The following SEMA5A variants were observed in gnomAD, a reference collection of about 807,000 sequenced individuals.
SEMA5A encodes semaphorin-5A.
SEMA5A carries 55 observed loss-of-function variants against 135.5 expected under a neutral mutation model. That is an observed-to-expected ratio of 0.41 (90% confidence interval 0.33 to 0.51). The LOEUF (loss-of-function observed/expected upper bound fraction) is 0.51, where lower values mean the gene tolerates loss of function less well. Among genes scored for constraint, SEMA5A ranks in the 20% least tolerant of loss-of-function variants. SEMA5A has a pLI of 0.37. For missense variants in SEMA5A, 1,290 were observed against 1,419.9 expected (o/e 0.91, Z 1.47); for synonymous variants, 580 against 546.5 (o/e 1.06, Z -0.85).
chr5:9,096,715 C>T (rs1187423739), intron 16 of SEMA5A, among the ~76,000 whole-genome samples: 1 of 151,852 alleles, frequency 6.6e-6, no homozygotes. Flanking sequence ...GGATTAATAT[C>T]CAAGGTATAT....
chr5:9,301,977 C>G (rs80187734), intron 5 of SEMA5A, among the ~76,000 whole-genome samples: 2 of 152,046 alleles, frequency 1.3e-5, no homozygotes, highest in East Asian at 3.9e-4. Context: ...AATCCATCGC[C>G]CCTTGCAGCT....
chr5:9,512,458 G>A (rs1282363971), intron 1 of SEMA5A, among the ~76,000 whole-genome samples: 1 of 152,188 alleles, frequency 6.6e-6, no homozygotes, highest in Non-Finnish European at 1.5e-5. Context: ...ATGTGGGTAG[G>A]AAGTGGTGAA....
intron 1 of SEMA5A, among the ~76,000 whole-genome samples, chr5:9,472,054 G>C (rs1297296167): frequency 6.6e-6 from 1 of 152,172 alleles, no homozygotes; most frequent in Non-Finnish European, 1.5e-5. Flanking sequence ...GTGCAGGTTT[G>C]TTACATATGT....
At chr5:9,455,540 G>A (rs548724951) in intron 1 of SEMA5A, among the ~76,000 whole-genome samples, 1 of 152,280 alleles carries the variant, frequency 6.6e-6, no homozygotes, top group African/African-American at 2.4e-5. Flanking sequence ...ACAGGCATGA[G>A]CCACCGCGCC....
intron 5 of SEMA5A, among the ~76,000 whole-genome samples, chr5:9,317,532 T>A (rs1394997586): frequency 3.3e-5 from 5 of 152,182 alleles, no homozygotes; most frequent in African/African-American, 9.7e-5. Context: ...GATTTAATAT[T>A]AAAACCTAGC....
chr5:9,405,043 T>C (rs1486634138), intron 2 of SEMA5A, among the ~76,000 whole-genome samples: 1 of 152,206 alleles, frequency 6.6e-6, no homozygotes, highest in Non-Finnish European at 1.5e-5. Flanking sequence ...AGTTACAGAA[T>C]GTTAAGCAAG....
At chr5:9,068,792 C>T (rs181028398) in intron 16 of SEMA5A, among the ~76,000 whole-genome samples, 70 of 152,288 alleles carry the variant, frequency 4.6e-4, no homozygotes, top group Non-Finnish European at 2.9e-4. Flanking sequence ...TCCCCAAGAT[C>T]CCTCCAGTTT....
At chr5:9,083,476 C>A (rs1561135456) in intron 16 of SEMA5A, among the ~76,000 whole-genome samples, 1 of 152,154 alleles carries the variant, frequency 6.6e-6, no homozygotes, top group Non-Finnish European at 1.5e-5. Context: ...ATAATTTAAA[C>A]ACGTACATGT....
intron 6 of SEMA5A, among the ~76,000 whole-genome samples, chr5:9,227,365 T>C (rs931794446): frequency 1.3e-5 from 2 of 152,142 alleles, no homozygotes; most frequent in Non-Finnish European, 2.9e-5. Context: ...GGAAAATAAA[T>C]AAAAGGAACC....
intron 5 of SEMA5A, among the ~76,000 whole-genome samples, chr5:9,303,186 G>A (rs985086470): frequency 7.3e-5 from 11 of 149,816 alleles, no homozygotes; most frequent in South Asian, 2.1e-4. Context: ...GCGCCATCTC[G>A]GCTTACTGCA....
chr5:9,171,103 C>T (rs916842692), intron 11 of SEMA5A, among the ~76,000 whole-genome samples: 1 of 152,170 alleles, frequency 6.6e-6, no homozygotes, highest in Non-Finnish European at 1.5e-5. Context: ...CAAAAAGATG[C>T]CTACACCTCC....
At position 9,226,931 on chromosome 5, in the gene SEMA5A, C is replaced by G; in HGVS notation, c.370G>C (p.Gly124Arg). 2 of 1,576,010 alleles carry G rather than the reference C, an allele frequency of 1.3e-6. No homozygotes were observed. The highest frequency in any genetic ancestry group is 2.3e-5 in the East Asian group (1 of 42,744). ...CCACAGGTGAATAACCGGTCGCCAC[C>G]CACCAGAAGCACCCGGATGTAGTTC... Reference protein sequence around the residue: ...CQNYIRVLLVGGDRLFTCGTN... With the variant: ...CQNYIRVLLVRGDRLFTCGTN... The change falls in exon 7 of 23, where the codon GGT becomes CGT. Residue 124 changes from glycine (G) to arginine (R), a missense_variant. By Grantham distance (125) the Gly-to-Arg change is moderately radical. Transcript: ENST00000382496.
chr5:9,272,249 C>A (rs776637703), intron 5 of SEMA5A, among the ~76,000 whole-genome samples: 1 of 152,096 alleles, frequency 6.6e-6, no homozygotes, highest in African/African-American at 2.4e-5. Context: ...AACAAAGCCA[C>A]TGGGAAGTTC....
At chr5:9,123,223 C>T (rs1278355451) in intron 13 of SEMA5A, among the ~76,000 whole-genome samples, 8 of 128,500 alleles carry the variant, frequency 6.2e-5, no homozygotes, top group Non-Finnish European at 9.5e-5. Flanking sequence ...CGCACCACTG[C>T]ACTCCAGCCT....
At chr5:9,248,837 C>A (rs1041378444) in intron 5 of SEMA5A, among the ~76,000 whole-genome samples, 4 of 152,150 alleles carry the variant, frequency 2.6e-5, no homozygotes, top group Non-Finnish European at 5.9e-5. Flanking sequence ...GAAAGTGTGG[C>A]CCGGGGGACC....
At chr5:9,076,302 C>T (rs1214719283) in intron 16 of SEMA5A, among the ~76,000 whole-genome samples, 4 of 151,740 alleles carry the variant, frequency 2.6e-5, no homozygotes, top group South Asian at 2.1e-4. Flanking sequence ...ATAATTCAGG[C>T]CCCAAAACAC....
chr5:9,279,832 A>C (rs1579777483), intron 5 of SEMA5A, among the ~76,000 whole-genome samples: 1 of 152,254 alleles, frequency 6.6e-6, no homozygotes, highest in South Asian at 2.1e-4. Flanking sequence ...TGAGGCCTCC[A>C]AGCCATGCTT....
At chr5:9,444,108 T>C (rs1044386700) in intron 1 of SEMA5A, among the ~76,000 whole-genome samples, 1 of 152,258 alleles carries the variant, frequency 6.6e-6, no homozygotes, top group Non-Finnish European at 1.5e-5. Context: ...TGAAAAATGA[T>C]GTAATTTTTA....
At chr5:9,536,814 C>A (rs377663511) in intron 1 of SEMA5A, among the ~76,000 whole-genome samples, 5 of 152,142 alleles carry the variant, frequency 3.3e-5, no homozygotes, top group African/African-American at 1.2e-4. Context: ...AACTCCTAGG[C>A]TCAAGCTTCA....
Sources: allele counts gnomAD v4.1 joint callset (sites outside exome capture counted in the v4.1 genomes callset), GRCh38; gene constraint gnomAD v4.1.1; transcripts MANE v1.5; gene names NCBI Gene and HGNC (gene_info 2026-07-23, HGNC 2026-07-21).